Variants in TCP11L2 observed in about 807,000 individuals in gnomAD.
TCP11L2 encodes t-complex 11 like 2, also known as T-complex protein 11-like protein 2.
In TCP11L2, 39 loss-of-function variants were observed where a neutral mutation model predicts 50.7. The observed-to-expected ratio is 0.77, with a 90% confidence interval of 0.60 to 1.01. TCP11L2 has a LOEUF of 1.01. TCP11L2 is among the 50% of genes least tolerant of loss of function. The pLI is 0.00. For synonymous variants in TCP11L2, 192 were observed against 219.3 expected, an observed-to-expected ratio of 0.88 and a Z score of 1.10; for missense variants, 612 against 614.7, an observed-to-expected ratio of 1.00 and a Z score of 0.05.
At chr12:106,327,569 G>A (rs1012560982) in intron 6 of TCP11L2, among the ~76,000 whole-genome samples, 2 of 152,138 alleles carry the variant, frequency 1.3e-5, no homozygotes, top group Non-Finnish European at 2.9e-5. Flanking sequence ...TTTAAGAATA[G>A]AGCAAACCCA....
At chr12:106,334,839 G>A (rs1352242713) in intron 6 of TCP11L2, among the ~76,000 whole-genome samples, 1 of 152,122 alleles carries the variant, frequency 6.6e-6, no homozygotes, top group Non-Finnish European at 1.5e-5. Flanking sequence ...TACTCAGGAG[G>A]CTGAGGCAGG....
intron 4 of TCP11L2, among the ~76,000 whole-genome samples, chr12:106,320,033 G>A (rs1338220773): frequency 6.6e-6 from 1 of 152,148 alleles, no homozygotes; most frequent in African/African-American, 2.4e-5. Flanking sequence ...ACCTGTAGAC[G>A]TTTTGAAATG....
chr12:106,317,241 C>T (rs941498355), intron 3 of TCP11L2, among the ~76,000 whole-genome samples: 1 of 152,218 alleles, frequency 6.6e-6, no homozygotes, highest in Non-Finnish European at 1.5e-5. Context: ...CTTAGCCGGG[C>T]GCAGTGGCTC....
chr12:106,301,652 C>T (rs184633498), upstream of TCP11L2, among the ~76,000 whole-genome samples: 1 of 152,318 alleles, frequency 6.6e-6, no homozygotes, highest in African/African-American at 2.4e-5. Context: ...ATACTTTAGT[C>T]TATACAAACT....
At chr12:106,312,160 A>G (rs1270448531) in intron 2 of TCP11L2, 1 of 360,448 alleles carries the variant, frequency 2.8e-6, no homozygotes, top group East Asian at 7.4e-5. Context: ...TCATGATTAC[A>G]TGTTTTTGAA....
intron 1 of TCP11L2, chr12:106,303,394 T>TC: frequency 6.6e-6 from 1 of 152,458 alleles, no homozygotes; most frequent in Non-Finnish European, 1.5e-5. Flanking sequence ...TGCCGTGGTT[T>TC]CCCCGGCACT....
intron 6 of TCP11L2, among the ~76,000 whole-genome samples, chr12:106,328,636 T>G (rs1236872968): frequency 6.6e-6 from 1 of 152,204 alleles, no homozygotes; most frequent in Non-Finnish European, 1.5e-5. Flanking sequence ...AGCTGCTACT[T>G]TTTCAGCCTT....
chr12:106,326,136 C>T (rs4964461), intron 6 of TCP11L2, among the ~76,000 whole-genome samples: 10,114 of 152,132 alleles, frequency 0.066, 448 homozygotes, highest in Non-Finnish European at 0.096. Flanking sequence ...TTTAATTAAC[C>T]ACTATTTAAG....
chr12:106,338,093 G>C (rs76330209), intron 8 of TCP11L2, among the ~76,000 whole-genome samples: 1,846 of 152,342 alleles, frequency 0.012, 14 homozygotes, highest in Non-Finnish European at 0.02. Flanking sequence ...TGAGTAGAAG[G>C]CATGGCTTAT....
chr12:106,308,051 G>A (rs765843833), intron 1 of TCP11L2, among the ~76,000 whole-genome samples: 5 of 152,220 alleles, frequency 3.3e-5, no homozygotes, highest in Non-Finnish European at 5.9e-5. Context: ...CAGTTGTAAT[G>A]TGGAGGCTTC....
At chr12:106,334,884 T>G (rs1284353010) in intron 6 of TCP11L2, among the ~76,000 whole-genome samples, 1 of 151,976 alleles carries the variant, frequency 6.6e-6, no homozygotes, top group East Asian at 1.9e-4. Context: ...GAGGTTGCAG[T>G]GAGCTGAGAT....
At chr12:106,333,921 C>G (rs1157553568) in intron 6 of TCP11L2, among the ~76,000 whole-genome samples, 3 of 152,092 alleles carry the variant, frequency 2.0e-5, no homozygotes, top group African/African-American at 7.2e-5. Context: ...ATCAAAAGCT[C>G]AGGAGAGAAG....
chr12:106,336,364 A>G (rs1242461561), intron 8 of TCP11L2, 151 bp downstream of exon 8: 3 of 700,110 alleles, frequency 4.3e-6, no homozygotes, highest in Non-Finnish European at 6.7e-6. Context: ...ATTTCCTTTA[A>G]TATCTCTGAA....
chr12:106,312,422 G>A, intron 2 of TCP11L2: 3 of 1,220,410 alleles, frequency 2.5e-6, no homozygotes, highest in South Asian at 2.9e-5. Flanking sequence ...GAAATTAACA[G>A]CAGCCACCCC....
intron 6 of TCP11L2, among the ~76,000 whole-genome samples, chr12:106,331,512 C>T (rs1374682947): frequency 6.6e-6 from 1 of 152,202 alleles, no homozygotes; most frequent in Non-Finnish European, 1.5e-5. Flanking sequence ...TAATCCCCGT[C>T]TTTAAAGGTT....
At position 106,313,378 on chromosome 12, in the gene TCP11L2, C is replaced by T. The variant is rs377569627; in HGVS notation, c.158-980C>T. Among the ~76,000 whole-genome samples the T allele has an allele frequency of 1.0e-3, 157 of 152,164 alleles. 4 individuals are homozygous for T. The East Asian group carries it at 0.017, about 17-fold the overall frequency. The stretch of plus-strand genomic sequence containing the variant: ...GGCAGATCATCTGAGGTCAGGAGTT[C>T]GAGACCAGCCTGGCCAACATGGCGA... On this transcript the variant is annotated intron_variant, in intron 2 of 9. Transcript: ENST00000299045.
Position 106,346,713 on chromosome 12 carries a change from G to A in TCP11L2, c.*183G>A, listed in dbSNP as rs1043424030. 10 of 616,546 alleles carry A rather than the reference G, an allele frequency of 1.6e-5. No individual in the cohort carries two copies. Among genetic ancestry groups the A allele is most frequent in the African/African-American group, 9.1e-5 (5 of 54,782 alleles). The allele number at this position is 616,546 out of a possible 1,614,324, so 38.2% of individuals were successfully genotyped here. A position where few individuals can be genotyped will look rare whatever the true frequency, so the allele number is the denominator to read the frequency against. On this transcript the variant is annotated 3_prime_UTR_variant, in exon 10 of 10. Transcript: ENST00000299045. ...CACATCACATAGACCCTCAGAAGAC[G>A]TAAACATCACATAGACCCTATTTGT...
upstream of TCP11L2, among the ~76,000 whole-genome samples, chr12:106,298,546 A>G (rs1392756925): frequency 6.6e-6 from 1 of 152,028 alleles, no homozygotes; most frequent in Non-Finnish European, 1.5e-5. Flanking sequence ...TTTTGAGACA[A>G]AGTCTCGCTC....
chr12:106,344,825 G>C (rs2036185568), intron 9 of TCP11L2, among the ~76,000 whole-genome samples: 1 of 152,100 alleles, frequency 6.6e-6, no homozygotes, highest in Non-Finnish European at 1.5e-5. Context: ...TACTATTGCA[G>C]CCTGATTTCC....
Sources: gnomAD v4.1 joint callset for allele counts (sites outside exome capture counted in the v4.1 genomes callset) on GRCh38, gnomAD v4.1.1 for gene constraint, MANE v1.5 for transcripts, NCBI Gene and HGNC (gene_info 2026-07-23, HGNC 2026-07-21) for gene names.